SDK2: variants seen among roughly 807,000 people sequenced by gnomAD.
The protein encoded by SDK2 is protein sidekick-2.
Under a neutral mutation model 253.9 loss-of-function variants are expected in SDK2, and 105 were observed. The ratio of observed to expected loss-of-function variants is 0.41; its 90% confidence interval spans 0.35 to 0.49. SDK2 has a LOEUF of 0.49. Among genes scored for constraint, SDK2 ranks in the 20% least tolerant of loss-of-function variants. SDK2 has a pLI of 0.06. For missense variants in SDK2, 2,608 were observed against 3,003.0 expected, an observed-to-expected ratio of 0.87 and a Z score of 3.07; for synonymous variants, 1,249 against 1,234.9, an observed-to-expected ratio of 1.01 and a Z score of -0.24.
intron 6 of SDK2, 84 bp downstream of exon 6, chr17:73,440,728 T>C: frequency 1.0e-6 from 1 of 968,614 alleles, no homozygotes; most frequent in Admixed American, 2.0e-5. Context: ...TGATGTGGCT[T>C]CTGGCTGCTC....
chr17:73,609,498 G>C lies in SDK2; in HGVS notation c.64+34527C>G, dbSNP rs190908488. ...GACTGGGTTTAAGACAGAAAGGGAA[G>C]ACAGGAATTAGAGACAGGGGCATTA... On this transcript the variant is annotated intron_variant, in intron 1 of 44. Coordinates refer to ENST00000392650, the MANE Select transcript of SDK2 (RefSeq NM_001144952.2). The surrounding 1 kb of genome is among the most constrained non-coding windows in gnomAD (Gnocchi z 4.4). 2.9e-4 allele frequency among the ~76,000 whole-genome samples: 44 copies of C among 152,342 alleles called. No homozygotes were observed. The highest frequency in any genetic ancestry group is 3.4e-3 in the Middle Eastern group (1 of 294).
chr17:73,510,069 C>G (rs1048835848), intron 1 of SDK2, among the ~76,000 whole-genome samples: 5 of 151,746 alleles, frequency 3.3e-5, no homozygotes, highest in African/African-American at 1.2e-4. Flanking sequence ...TTCTCCTGCA[C>G]CCCAGGCTGG....
In SDK2 at chr17:73,486,167, G is replaced by C. The variant is rs550155742; in HGVS notation, c.225-13949C>G. Among the ~76,000 whole-genome samples the C allele has an allele frequency of 1.4e-4, 21 of 152,304 alleles. No homozygotes were observed. The South Asian group carries it at 4.4e-3, about 32-fold the overall frequency. On this transcript the variant is annotated intron_variant, in intron 2 of 44. Coordinates refer to ENST00000392650, the MANE Select transcript of SDK2 (RefSeq NM_001144952.2). ...GCAAGGAGAGGAGGGGTCTGGACAG[G>C]TGGAGAATGCAAAGTTGTGTGCTAA... is the stretch of plus-strand genomic sequence containing the variant.
chr17:73,358,809 CAGGAGGCCTTGGGG>C (rs891568926), intron 39 of SDK2, among the ~76,000 whole-genome samples: 1 of 152,100 alleles, frequency 6.6e-6, no homozygotes, highest in African/African-American at 2.4e-5. Context: ...GTTTATGCCC[CAGGAGGCCTTGGGG>C]CCTGTGCTGC....
intron 2 of SDK2, among the ~76,000 whole-genome samples, chr17:73,498,113 G>A (rs541717417): frequency 4.1e-4 from 62 of 152,298 alleles, no homozygotes; most frequent in Non-Finnish European, 8.7e-4. Flanking sequence ...TACACATGGG[G>A]GCCAGGATCT....
intron 2 of SDK2, among the ~76,000 whole-genome samples, chr17:73,504,616 A>C (rs1221802828): frequency 7.5e-6 from 1 of 133,940 alleles, no homozygotes; most frequent in Non-Finnish European, 1.6e-5. Context: ...TGGGGGACAG[A>C]GCAAGACTCT....
intron 20 of SDK2, 48 bp downstream of exon 20, chr17:73,401,606 T>C (rs1289347227): frequency 3.3e-6 from 5 of 1,504,710 alleles, no homozygotes; most frequent in South Asian, 1.2e-5. Flanking sequence ...GCTCTGACCT[T>C]TCCCAGCCCT....
intron 1 of SDK2, chr17:73,640,948 G>A (rs2046391132): frequency 6.6e-6 from 1 of 152,230 alleles, no homozygotes; most frequent in Admixed American, 6.5e-5. Context: ...CCAAGCACAT[G>A]GGAAATCTCT....
chr17:73,601,471 C>T (rs984346007), intron 1 of SDK2, among the ~76,000 whole-genome samples: 9 of 152,168 alleles, frequency 5.9e-5, no homozygotes, highest in African/African-American at 2.2e-4. Flanking sequence ...ACGGTGAACT[C>T]TAGTCCAATA....
At chr17:73,532,265 C>A (rs1279839249) in intron 1 of SDK2, among the ~76,000 whole-genome samples, 2 of 122,368 alleles carry the variant, frequency 1.6e-5, no homozygotes, top group Non-Finnish European at 3.1e-5. Flanking sequence ...GGCTGAGAAA[C>A]TCTGGGCTAG....
intron 1 of SDK2, among the ~76,000 whole-genome samples, chr17:73,625,691 CT>C: frequency 6.6e-6 from 1 of 152,146 alleles, no homozygotes; most frequent in Non-Finnish European, 1.5e-5. Context: ...GTTGTCTAGG[CT>C]GGAGTGCAGT....
At position 73,483,680 on chromosome 17, in the gene SDK2, TATTTATA is replaced by T. The variant is rs1567799302; in HGVS notation, c.225-11469_225-11463del. ...GTGTGTGTATATATATATATATATA[TATTTATA>T]TATATATATATATATATATATTTTT... On this transcript the variant is annotated intron_variant, in intron 2 of 44. Transcript: ENST00000392650. Among the ~76,000 whole-genome samples the T allele has an allele frequency of 7.6e-4, 48 of 63,432 alleles. 2 individuals carry two copies. The highest frequency in any genetic ancestry group is 1.1e-3 in the Non-Finnish European group (37 of 34,074). 41.6% of individuals were successfully genotyped at this position (63,432 alleles called of 152,430 possible).
rs1422127875 is a variant in SDK2 at position 73,541,109 on chromosome 17, C to T, written c.65-33512G>A. ...TGCCCAGCCCCTAACATGGGGCACC[C>T]CTCCCGCTACTCCTGGCCAAAGTGG... On this transcript the variant is annotated intron_variant, in intron 1 of 44. Transcript: ENST00000392650. The surrounding 1 kb of genome is among the most constrained non-coding windows in gnomAD (Gnocchi z 4.3). Among the ~76,000 whole-genome samples, 1 of 152,226 alleles carries T rather than the reference C, an allele frequency of 6.6e-6. No individual in the cohort carries two copies. Among genetic ancestry groups the T allele is most frequent in the Non-Finnish European group, 1.5e-5 (1 of 68,044 alleles).
At chr17:73,339,247 T>G (rs1225804757) in intron 44 of SDK2, among the ~76,000 whole-genome samples, 2 of 149,124 alleles carry the variant, frequency 1.3e-5, no homozygotes, top group Non-Finnish European at 3.0e-5. Context: ...TTTTTTTTTT[T>G]GAGACAGAAT....
chr17:73,492,524 G>A (rs1015030272), intron 2 of SDK2, among the ~76,000 whole-genome samples: 1 of 152,118 alleles, frequency 6.6e-6, no homozygotes, highest in South Asian at 2.1e-4. Context: ...GCCCACCAGT[G>A]CCTGGAACCC....
At chr17:73,513,328 T>C (rs966374966) in intron 1 of SDK2, among the ~76,000 whole-genome samples, 1 of 152,186 alleles carries the variant, frequency 6.6e-6, no homozygotes, top group African/African-American at 2.4e-5. Flanking sequence ...CAGAAGAGAA[T>C]TACAAATGCC....
chr17:73,375,624 C>A (rs927960406), intron 36 of SDK2, among the ~76,000 whole-genome samples: 2 of 152,086 alleles, frequency 1.3e-5, no homozygotes, highest in Non-Finnish European at 2.9e-5. Context: ...TTTGGGAGAC[C>A]GAGGGCGGAT....
chr17:73,350,338 C>T lies in SDK2; in HGVS notation c.5937G>A (p.Glu1979=), dbSNP rs1413843027. The change falls in exon 43 of 45, where the codon GAG becomes GAA. Residue 1979 remains glutamate, a synonymous_variant. Coordinates refer to ENST00000392650, the MANE Select transcript of SDK2 (RefSeq NM_001144952.2). The part of the protein sequence containing the change: ...SAKSGALGHS[E]MMSLDESSFP... ...AGCTGCTTTCATCCAAGCTCATCAT[C>T]TCGCTGTGGCCTAGGGCTCCAGACT... 1 of 1,613,742 alleles carries T rather than the reference C, an allele frequency of 6.2e-7. No homozygotes were observed. Among genetic ancestry groups the T allele is most frequent in the Non-Finnish European group, 8.5e-7 (1 of 1,179,876 alleles).
intron 36 of SDK2, among the ~76,000 whole-genome samples, chr17:73,377,543 C>T (rs1202100592): frequency 1.3e-5 from 2 of 151,294 alleles, no homozygotes; most frequent in Admixed American, 1.3e-4. Context: ...AATCTACTTC[C>T]CCTAGTGCTC....
Sources: allele counts gnomAD v4.1 joint callset (sites outside exome capture counted in the v4.1 genomes callset), GRCh38; gene constraint gnomAD v4.1.1; non-coding constraint Gnocchi (gnomAD v3.1); transcripts MANE v1.5; gene names NCBI Gene and HGNC (gene_info 2026-07-23, HGNC 2026-07-21).